The following ACSBG1 variants were observed in gnomAD, a reference collection of about 807,000 sequenced individuals.
ACSBG1 encodes the protein long-chain-fatty-acid--CoA ligase ACSBG1.
ACSBG1 carries 39 observed loss-of-function variants against 80.2 expected under a neutral mutation model. The observed-to-expected ratio is 0.49, with a 90% confidence interval of 0.38 to 0.64. The LOEUF (loss-of-function observed/expected upper bound fraction) is 0.64, where lower values mean the gene tolerates loss of function less well. Ranked by LOEUF, ACSBG1 falls within the 30% of genes least tolerant of loss-of-function variation. ACSBG1 has a pLI of 0.00. For synonymous variants in ACSBG1, 392 were observed against 379.5 expected, an observed-to-expected ratio of 1.03 and a Z score of -0.38; for missense variants, 828 against 966.4, an observed-to-expected ratio of 0.86 and a Z score of 1.90.
chr15:78,193,065 C>T (rs1343277867), intron 5 of ACSBG1, among the ~76,000 whole-genome samples: 1 of 152,042 alleles, frequency 6.6e-6, no homozygotes, highest in African/African-American at 2.4e-5. Flanking sequence ...CTTGGCTCAA[C>T]CCCCACCCTG....
At chr15:78,217,600 T>G (rs987200306) in intron 1 of ACSBG1, among the ~76,000 whole-genome samples, 16 of 150,592 alleles carry the variant, frequency 1.1e-4, no homozygotes, top group African/African-American at 3.7e-4. Context: ...GAGTCTTCAC[T>G]CTGTCGCCCA....
rs1352376575 is a variant in ACSBG1, at chr15:78,177,797, T to G, written c.1702+817A>C. On this transcript the variant is annotated intron_variant, in intron 11 of 13. Transcript: ENST00000258873. This position sits in a 1 kb window ranked among gnomAD's most constrained non-coding sequence, Gnocchi z 4.1. Reference sequence around the variant, plus strand: ...CTCAACTTAGCTTCAGTTTCCCCCATGAAGCCCTGGTGCAGGATTCCCACG... The same window carrying G: ...CTCAACTTAGCTTCAGTTTCCCCCAGGAAGCCCTGGTGCAGGATTCCCACG... Among the ~76,000 whole-genome samples, 2 of 152,156 alleles carry G rather than the reference T, an allele frequency of 1.3e-5. No individual in the cohort carries two copies. Among genetic ancestry groups the G allele is most frequent in the Non-Finnish European group, 2.9e-5 (2 of 68,006 alleles).
rs564762937 is a variant in ACSBG1, at chr15:78,172,740, T to C, written c.2089+853A>G. Among the ~76,000 whole-genome samples the C allele has an allele frequency of 1.8e-4, 28 of 152,332 alleles. No homozygotes were observed. The highest frequency in any genetic ancestry group is 6.7e-4 in the African/African-American group (28 of 41,576). On this transcript the variant is annotated intron_variant, in intron 13 of 13. Coordinates refer to ENST00000258873, the MANE Select transcript of ACSBG1 (RefSeq NM_015162.5). The surrounding 1 kb of genome is among the most constrained non-coding windows in gnomAD (Gnocchi z 4.1). ...TGGATTTGAGGGAATCACACTGGCA[T>C]AACCATTTCTACCTCTCCTGTTCTA...
chr15:78,185,289 A>C (rs1262440778), intron 5 of ACSBG1, among the ~76,000 whole-genome samples: 1 of 152,198 alleles, frequency 6.6e-6, no homozygotes. Flanking sequence ...GAGGAAGACC[A>C]ATGACCAGGG....
intron 1 of ACSBG1, among the ~76,000 whole-genome samples, chr15:78,230,022 C>T (rs1049091887): frequency 6.6e-6 from 1 of 152,228 alleles, no homozygotes; most frequent in Non-Finnish European, 1.5e-5. Flanking sequence ...ATGGACTGTC[C>T]TCTTCTGAGG....
At chr15:78,225,990 C>A (rs2075397364) in intron 1 of ACSBG1, among the ~76,000 whole-genome samples, 1 of 152,146 alleles carries the variant, frequency 6.6e-6, no homozygotes, top group Non-Finnish European at 1.5e-5. Flanking sequence ...CAATTCCTCC[C>A]TGAATGTTAG....
In ACSBG1 at chr15:78,169,911, C is replaced by T. The variant is rs972909547; in HGVS notation, c.*1533G>A. ...ACAGCAGGTAGTTCTGGGGGCGATA[C>T]TGCCGAAAGGCCCGAACACATGTAT... On this transcript the variant is annotated 3_prime_UTR_variant, in exon 14 of 14. Transcript: ENST00000258873. 8 of 152,236 alleles carry T rather than the reference C, an allele frequency of 5.3e-5. No individual in the cohort carries two copies. The highest frequency in any genetic ancestry group is 1.9e-4 in the African/African-American group (8 of 41,458). 9.4% of individuals were successfully genotyped at this position (152,236 alleles called of 1,614,324 possible). A position where few individuals can be genotyped will look rare whatever the true frequency, so the allele number is the denominator to read the frequency against.
chr15:78,182,395 G>A, intron 7 of ACSBG1, 71 bp downstream of exon 7: 2 of 1,578,176 alleles, frequency 1.3e-6, no homozygotes, highest in Admixed American at 1.8e-5. Flanking sequence ...GGGCTACTGG[G>A]GCAGAGCCAT....
chr15:78,218,904 C>G (rs1177694487), intron 1 of ACSBG1, among the ~76,000 whole-genome samples: 1 of 150,890 alleles, frequency 6.6e-6, no homozygotes. Context: ...CTCTGCCTGC[C>G]GGGTTCAAGA....
intron 1 of ACSBG1, among the ~76,000 whole-genome samples, chr15:78,216,876 C>T (rs2075315882): frequency 6.6e-6 from 1 of 152,244 alleles, no homozygotes; most frequent in African/African-American, 2.4e-5. Flanking sequence ...TCAAGTTCCA[C>T]TCCAAAGCCC....
chr15:78,202,203 CTATTAT>C (rs138759640), intron 2 of ACSBG1, among the ~76,000 whole-genome samples: 70 of 151,622 alleles, frequency 4.6e-4, no homozygotes, highest in Non-Finnish European at 4.0e-4. Flanking sequence ...ATGTTCTTTC[CTATTAT>C]TATTATTATT....
At chr15:78,181,011 G>A in intron 8 of ACSBG1, 75 bp from the exon 9 acceptor site, 1 of 1,534,138 alleles carries the variant, frequency 6.5e-7, no homozygotes, top group African/African-American at 1.4e-5. Flanking sequence ...TACCAGCCAG[G>A]CATGCCGGTG....
rs1405866593 is a variant in ACSBG1 at position 78,183,158 on chromosome 15, G to C, written c.664-373C>G. Among the ~76,000 whole-genome samples, 5 of 152,254 alleles carry C rather than the reference G, an allele frequency of 3.3e-5. No homozygotes were observed. In the East Asian group the frequency reaches 9.6e-4, roughly 29 times the overall value. On this transcript the variant is annotated intron_variant, in intron 5 of 13. Coordinates refer to ENST00000258873, the MANE Select transcript of ACSBG1 (RefSeq NM_015162.5). ...GGAGAGAATTCTATGTGCAGAGAGT[G>C]AGTGGTTTCTAGGATATATTATTAA...
chr15:78,213,185 C>G (rs1415172365), intron 1 of ACSBG1, among the ~76,000 whole-genome samples: 1 of 152,234 alleles, frequency 6.6e-6, no homozygotes, highest in Non-Finnish European at 1.5e-5. Flanking sequence ...GTCACACAGG[C>G]CTGTGCACAG....
intron 2 of ACSBG1, among the ~76,000 whole-genome samples, chr15:78,205,690 G>C (rs1217820354): frequency 6.6e-6 from 1 of 152,210 alleles, no homozygotes; most frequent in Non-Finnish European, 1.5e-5. Context: ...CACAGGGCTT[G>C]ATTCTTCTTA....
chr15:78,231,383 G>T (rs142111490), intron 1 of ACSBG1, among the ~76,000 whole-genome samples: 7 of 151,594 alleles, frequency 4.6e-5, no homozygotes, highest in Non-Finnish European at 8.8e-5. Context: ...TGCCCACCTC[G>T]GCCTCCCAAA....
At position 78,172,231 on chromosome 15, in the gene ACSBG1, G is replaced by A. The variant is rs2074832838; in HGVS notation, c.2090-702C>T. 6.6e-6 allele frequency among the ~76,000 whole-genome samples: 1 copy of A among 152,266 alleles called. No homozygotes were observed. Among genetic ancestry groups the A allele is most frequent in the South Asian group, 2.1e-4 (1 of 4,836 alleles). ...TCCTGGATTCTTGACCCATAGAAAT[G>A]TGGATAATAAATGTTTACTGCTTTA... On this transcript the variant is annotated intron_variant, in intron 13 of 13. Transcript: ENST00000258873. The surrounding 1 kb of genome is among the most constrained non-coding windows in gnomAD (Gnocchi z 4.1).
At chr15:78,232,640 C>A (rs141065296) in intron 1 of ACSBG1, among the ~76,000 whole-genome samples, 1 of 152,058 alleles carries the variant, frequency 6.6e-6, no homozygotes, top group African/African-American at 2.4e-5. Context: ...CCTGGCTGTC[C>A]TCATGCCTGT....
At chr15:78,175,594 CAG>C (rs972129128) in intron 11 of ACSBG1, among the ~76,000 whole-genome samples, 13 of 152,324 alleles carry the variant, frequency 8.5e-5, no homozygotes, top group Admixed American at 3.9e-4. Flanking sequence ...GCAAGTGAGA[CAG>C]AGGCTGGAGA....
Sources: allele counts gnomAD v4.1 joint callset (sites outside exome capture counted in the v4.1 genomes callset), GRCh38; gene constraint gnomAD v4.1.1; non-coding constraint Gnocchi (gnomAD v3.1); transcripts MANE v1.5; gene names NCBI Gene and HGNC (gene_info 2026-07-23, HGNC 2026-07-21).